Variants in DOCK3 observed in about 807,000 individuals in gnomAD.
DOCK3 encodes dedicator of cytokinesis protein 3.
Under a neutral mutation model 265.6 loss-of-function variants are expected in DOCK3, and 60 were observed. The ratio of observed to expected loss-of-function variants is 0.23; its 90% CI spans 0.18 to 0.28. DOCK3 has a LOEUF of 0.28. Ranked by LOEUF, DOCK3 falls within the 10% of genes least tolerant of loss-of-function variation. DOCK3 has a pLI of 1.00. For missense variants in DOCK3, 1,981 were observed against 2,594.3 expected (o/e 0.76, Z 5.14); for synonymous variants, 881 against 938.0 (o/e 0.94, Z 1.11).
intron 3 of DOCK3, among the ~76,000 whole-genome samples, chr3:50,869,272 C>T (rs1451973442): frequency 6.7e-6 from 1 of 150,084 alleles, no homozygotes; most frequent in African/African-American, 2.4e-5. Context: ...CTGCGCCCAG[C>T]CAAAACCAAC....
chr3:50,903,815 G>C (rs1433657053), intron 4 of DOCK3, among the ~76,000 whole-genome samples: 1 of 151,844 alleles, frequency 6.6e-6, no homozygotes, highest in Non-Finnish European at 1.5e-5. Context: ...TGCACCACGT[G>C]CAGGTTTGAT....
chr3:51,184,882 A>AG (rs1320427636), intron 12 of DOCK3, among the ~76,000 whole-genome samples: 1 of 152,214 alleles, frequency 6.6e-6, no homozygotes, highest in African/African-American at 2.4e-5. Flanking sequence ...TCATGCTGAT[A>AG]GTATGTACCC....
At chr3:51,343,403 A>C (rs563664871) in intron 38 of DOCK3, among the ~76,000 whole-genome samples, 24 of 152,306 alleles carry the variant, frequency 1.6e-4, no homozygotes, top group African/African-American at 5.8e-4. Flanking sequence ...CAGTGAAACA[A>C]ATGTCCTCCA....
At chr3:50,904,879 G>A (rs2107844379) in intron 4 of DOCK3, among the ~76,000 whole-genome samples, 1 of 152,142 alleles carries the variant, frequency 6.6e-6, no homozygotes, top group South Asian at 2.1e-4. Context: ...TTCTTCTAGG[G>A]TTTTTATGGT....
intron 5 of DOCK3, among the ~76,000 whole-genome samples, chr3:51,062,977 A>G (rs554360722): frequency 6.6e-6 from 1 of 152,316 alleles, no homozygotes; most frequent in South Asian, 2.1e-4. Flanking sequence ...GTGTACCATC[A>G]GGATGCTTAA....
chr3:51,380,313 C>T (rs2088521311), intron 52 of DOCK3, 106 bp downstream of exon 52: 2 of 1,074,536 alleles, frequency 1.9e-6, no homozygotes, highest in Non-Finnish European at 2.6e-6. Flanking sequence ...CTCCCCTTCA[C>T]CTCTCTCCCC....
At chr3:51,349,958 G>A (rs1002270309) in intron 39 of DOCK3, among the ~76,000 whole-genome samples, 9 of 152,326 alleles carry the variant, frequency 5.9e-5, no homozygotes, top group East Asian at 1.9e-4. Context: ...GAAAATGTCC[G>A]TGTTAAAAGT....
At chr3:51,327,523 CTTA>C (rs1234036853) in intron 32 of DOCK3, among the ~76,000 whole-genome samples, 4 of 152,072 alleles carry the variant, frequency 2.6e-5, no homozygotes, top group African/African-American at 4.8e-5. Flanking sequence ...GTTTGAAGAA[CTTA>C]TTATTTTGTT....
At chr3:51,011,438 C>T (rs1255187945) in intron 5 of DOCK3, among the ~76,000 whole-genome samples, 2 of 152,324 alleles carry the variant, frequency 1.3e-5, no homozygotes, top group Admixed American at 6.5e-5. Context: ...CTTGTGCATT[C>T]GTCACATAGT....
At chr3:51,278,129 G>T in intron 26 of DOCK3, 3 of 985,424 alleles carry the variant, frequency 3.0e-6, no homozygotes, top group Non-Finnish European at 3.6e-6. Context: ...TCTCCTAAAT[G>T]ATGTACAGGA....
At chr3:51,258,232 AGAG>A (rs2079654062) in intron 22 of DOCK3, among the ~76,000 whole-genome samples, 1 of 152,224 alleles carries the variant, frequency 6.6e-6, no homozygotes, top group Admixed American at 6.5e-5. Context: ...TTTTAAAATT[AGAG>A]GAGTAGTATG....
At chr3:50,781,532 C>T (rs185060963) in intron 2 of DOCK3, among the ~76,000 whole-genome samples, 33 of 152,042 alleles carry the variant, frequency 2.2e-4, no homozygotes, top group Admixed American at 1.4e-3. Flanking sequence ...CCTCAGCCTT[C>T]CAAAATGCTG....
At chr3:51,099,051 C>T (rs1414467292) in intron 9 of DOCK3, among the ~76,000 whole-genome samples, 2 of 152,046 alleles carry the variant, frequency 1.3e-5, no homozygotes, top group Admixed American at 6.5e-5. Flanking sequence ...ATCCTGTTGC[C>T]CTGCTAAGTT....
intron 27 of DOCK3, among the ~76,000 whole-genome samples, chr3:51,309,519 G>A (rs1368250877): frequency 6.6e-6 from 1 of 152,222 alleles, no homozygotes; most frequent in African/African-American, 2.4e-5. Context: ...GTTGCAGTGA[G>A]CCGAGATGGC....
intron 27 of DOCK3, among the ~76,000 whole-genome samples, chr3:51,309,974 G>A (rs941509813): frequency 1.3e-5 from 2 of 152,216 alleles, no homozygotes; most frequent in Admixed American, 6.5e-5. Flanking sequence ...TATAAAGTGG[G>A]TATAGAGCTG....
At chr3:51,295,770 A>G (rs1380481679) in intron 27 of DOCK3, among the ~76,000 whole-genome samples, 3 of 151,674 alleles carry the variant, frequency 2.0e-5, no homozygotes, top group Non-Finnish European at 4.4e-5. Flanking sequence ...AGCTGGGGCA[A>G]TAAGGCGTTG....
At chr3:50,696,828 CTACTT>C (rs895662558) in intron 1 of DOCK3, among the ~76,000 whole-genome samples, 10 of 151,942 alleles carry the variant, frequency 6.6e-5, no homozygotes, top group African/African-American at 2.4e-4. Flanking sequence ...TTAAGAATCT[CTACTT>C]TAAACATTTC....
intron 9 of DOCK3, among the ~76,000 whole-genome samples, chr3:51,127,803 A>C (rs1035646375): frequency 5.9e-5 from 9 of 152,068 alleles, no homozygotes; most frequent in African/African-American, 2.2e-4. Flanking sequence ...GAGTGACCCA[A>C]ACCTTCATTC....
intron 35 of DOCK3, among the ~76,000 whole-genome samples, chr3:51,336,523 C>T (rs911687146): frequency 1.3e-5 from 2 of 152,180 alleles, no homozygotes; most frequent in Non-Finnish European, 2.9e-5. Context: ...GCCCACTACT[C>T]AGGTGAGCCG....
Sources: allele counts gnomAD v4.1 joint callset (sites outside exome capture counted in the v4.1 genomes callset), GRCh38; gene constraint gnomAD v4.1.1; transcripts MANE v1.5; gene names NCBI Gene and HGNC (gene_info 2026-07-23, HGNC 2026-07-21).